The following CALCR variants were observed in gnomAD, a reference collection of about 807,000 sequenced individuals.
CALCR encodes calcitonin receptor.
In CALCR, 47 loss-of-function variants were observed where a neutral mutation model predicts 59.5. That is an observed-to-expected ratio of 0.79 (90% CI 0.63 to 1.01). CALCR has a LOEUF of 1.01. CALCR is among the 50% of genes least tolerant of loss of function. The pLI is 0.00. For synonymous variants in CALCR, 213 were observed against 211.3 expected (o/e 1.01, Z -0.07); for missense variants, 566 against 597.1 (o/e 0.95, Z 0.54).
intron 2 of CALCR, among the ~76,000 whole-genome samples, chr7:93,520,457 G>T (rs1158141294): frequency 6.6e-6 from 1 of 152,034 alleles, no homozygotes; most frequent in Non-Finnish European, 1.5e-5. Context: ...TCCATTTGTT[G>T]CATCAGAAGA....
At chr7:93,436,460 G>C (rs532442061) in intron 11 of CALCR, among the ~76,000 whole-genome samples, 22 of 152,168 alleles carry the variant, frequency 1.4e-4, no homozygotes, top group Non-Finnish European at 1.5e-4. Context: ...GGCGGGGGTG[G>C]TGGAGGGGTG....
Position 93,564,460 on chromosome 7 carries a change from TAA to T in CALCR, c.-27+9827_-27+9828del, listed in dbSNP as rs899378626. Among the ~76,000 whole-genome samples, 6 of 146,210 alleles carry T rather than the reference TAA, an allele frequency of 4.1e-5. 1 individual carries two copies. Among genetic ancestry groups the T allele is most frequent in the Admixed American group, 2.1e-4 (3 of 14,622 alleles). On this transcript the variant is annotated intron_variant, in intron 2 of 13. Transcript: ENST00000426151. ...ATCATTAACATTGATACTACACTTT[TAA>T]AAAAAAAAAAATGGAGTTTTGCTCT...
At position 93,545,598 on chromosome 7, in the gene CALCR, T is replaced by TA. The variant is rs200207995; in HGVS notation, c.-27+28690dup. On this transcript the variant is annotated intron_variant, in intron 2 of 13. Coordinates refer to ENST00000426151, the MANE Select transcript of CALCR (RefSeq NM_001742.4). ...TAGCCAGGACCCTGAGAACATGTTT[T>TA]AAAAAGACCCTATGCTGGCAAGAAG... Among the ~76,000 whole-genome samples, 37 of 152,290 alleles carry TA rather than the reference T, an allele frequency of 2.4e-4. 2 individuals carry two copies. In the East Asian group the frequency reaches 7.1e-3, roughly 29 times the overall value.
chr7:93,451,484 T>C (rs1344733590), intron 8 of CALCR, among the ~76,000 whole-genome samples: 1 of 152,030 alleles, frequency 6.6e-6, no homozygotes, highest in Non-Finnish European at 1.5e-5. Flanking sequence ...ATAAGTTTTG[T>C]CTGAATCAAA....
At chr7:93,547,655 T>C (rs1789326694) in intron 2 of CALCR, among the ~76,000 whole-genome samples, 1 of 152,194 alleles carries the variant, frequency 6.6e-6, no homozygotes, top group African/African-American at 2.4e-5. Context: ...AGAATGCAGG[T>C]GCTCCCAGCT....
At chr7:93,572,327 C>G (rs1414123156) in intron 2 of CALCR, among the ~76,000 whole-genome samples, 1 of 151,868 alleles carries the variant, frequency 6.6e-6, no homozygotes, top group Non-Finnish European at 1.5e-5. Context: ...TGGTGGAAAC[C>G]CTCTTGGTCA....
Position 93,467,626 on chromosome 7 carries a change from T to C in CALCR, c.521+1089A>G, listed in dbSNP as rs1422682789. ...TACCATCTTTACCATTTTAAACATA[T>C]AGTTCAGTAGTGATAAATGCATATA... is the stretch of plus-strand genomic sequence containing the variant. On this transcript the variant is annotated intron_variant, in intron 7 of 13. Coordinates refer to ENST00000426151, the MANE Select transcript of CALCR (RefSeq NM_001742.4). Among the ~76,000 whole-genome samples the C allele has an allele frequency of 6.8e-4, 103 of 151,646 alleles. 1 individual carries two copies. Among genetic ancestry groups the C allele is most frequent in the Non-Finnish European group, 1.2e-4 (8 of 67,754 alleles).
intron 9 of CALCR, among the ~76,000 whole-genome samples, chr7:93,440,848 T>G (rs1324505996): frequency 1.3e-5 from 2 of 152,158 alleles, no homozygotes; most frequent in African/African-American, 4.8e-5. Flanking sequence ...TAACCATTGA[T>G]TAGCAACTCC....
chr7:93,498,169 G>A (rs191281967), intron 2 of CALCR, among the ~76,000 whole-genome samples: 9 of 151,816 alleles, frequency 5.9e-5, no homozygotes, highest in South Asian at 4.2e-4. Context: ...TTTGGTGGAA[G>A]TTTTCAAAAA....
At chr7:93,454,346 T>G (rs758194294) in intron 8 of CALCR, among the ~76,000 whole-genome samples, 18 of 152,042 alleles carry the variant, frequency 1.2e-4, no homozygotes, top group Non-Finnish European at 2.2e-4. Context: ...TTTCCAGAAC[T>G]TGGAACTCAT....
At chr7:93,555,822 C>G (rs571917253) in intron 2 of CALCR, among the ~76,000 whole-genome samples, 39 of 152,238 alleles carry the variant, frequency 2.6e-4, no homozygotes, top group African/African-American at 9.4e-4. Context: ...GGAAACTAGA[C>G]TTGGGCTGAT....
intron 4 of CALCR, among the ~76,000 whole-genome samples, chr7:93,478,059 G>A (rs976309668): frequency 6.8e-6 from 1 of 147,808 alleles, no homozygotes; most frequent in African/African-American, 2.5e-5. Flanking sequence ...TCAGATCCAG[G>A]CTTTCAAGAA....
At chr7:93,493,418 C>G (rs1300117826) in intron 2 of CALCR, among the ~76,000 whole-genome samples, 1 of 151,374 alleles carries the variant, frequency 6.6e-6, no homozygotes, top group Non-Finnish European at 1.5e-5. Context: ...CTTCTTCATT[C>G]CAAGCTTCTA....
intron 8 of CALCR, among the ~76,000 whole-genome samples, chr7:93,457,805 C>T (rs1303171399): frequency 2.0e-5 from 3 of 152,104 alleles, no homozygotes; most frequent in Admixed American, 6.6e-5. Flanking sequence ...GCGATCACTT[C>T]GGAATGGCTG....
intron 2 of CALCR, among the ~76,000 whole-genome samples, chr7:93,505,939 T>A (rs1191943039): frequency 6.6e-6 from 1 of 152,158 alleles, no homozygotes; most frequent in African/African-American, 2.4e-5. Context: ...GGGCCCCACA[T>A]ATTATGTAAA....
At chr7:93,518,109 G>A (rs1801684967) in intron 2 of CALCR, among the ~76,000 whole-genome samples, 1 of 151,796 alleles carries the variant, frequency 6.6e-6, no homozygotes, top group Non-Finnish European at 1.5e-5. Context: ...TGTAATCACA[G>A]AATAGAAAAA....
intron 2 of CALCR, among the ~76,000 whole-genome samples, chr7:93,507,279 G>T (rs1801444870): frequency 1.3e-5 from 2 of 151,954 alleles, no homozygotes; most frequent in African/African-American, 4.8e-5. Context: ...AATAAGGTGA[G>T]AAAGTGGTTA....
At chr7:93,450,968 G>A (rs900634772) in intron 8 of CALCR, among the ~76,000 whole-genome samples, 3 of 151,396 alleles carry the variant, frequency 2.0e-5, no homozygotes, top group Admixed American at 2.0e-4. Flanking sequence ...CTCAATAACA[G>A]TCCATCTACA....
intron 2 of CALCR, among the ~76,000 whole-genome samples, chr7:93,557,442 A>T (rs956304156): frequency 3.9e-5 from 6 of 151,906 alleles, no homozygotes; most frequent in African/African-American, 1.4e-4. Flanking sequence ...AATTTTTAGT[A>T]TGGTGCTTGG....
Sources: allele counts gnomAD v4.1 joint callset (sites outside exome capture counted in the v4.1 genomes callset), GRCh38; gene constraint gnomAD v4.1.1; transcripts MANE v1.5; gene names NCBI Gene and HGNC (gene_info 2026-07-23, HGNC 2026-07-21).